NEK2: variants seen among roughly 807,000 people sequenced by gnomAD.
The protein encoded by NEK2 is serine/threonine-protein kinase Nek2.
NEK2 carries 28 observed loss-of-function variants against 54.1 expected under a neutral mutation model. The observed-to-expected ratio is 0.52, with a 90% CI of 0.38 to 0.71. The LOEUF is 0.71. Ranked by LOEUF, NEK2 falls within the 30% of genes least tolerant of loss-of-function variation. The pLI is 0.00. For synonymous variants in NEK2, 176 were observed against 193.1 expected (o/e 0.91, Z 0.73); for missense variants, 407 against 531.5 (o/e 0.77, Z 2.30).
chr1:211,668,160 T>C (rs1364443252), intron 6 of NEK2, among the ~76,000 whole-genome samples: 1 of 152,206 alleles, frequency 6.6e-6, no homozygotes, highest in Non-Finnish European at 1.5e-5. Flanking sequence ...ACAGTAAGCA[T>C]ATCTCACAGG....
chr1:211,662,384 G>A (rs1049675990), downstream of NEK2, among the ~76,000 whole-genome samples: 7 of 152,104 alleles, frequency 4.6e-5, no homozygotes, highest in Middle Eastern at 3.2e-3. The surrounding 1 kb of genome is among the most constrained non-coding windows in gnomAD (Gnocchi z 4.2). Context: ...CAGGATTTTC[G>A]CATTTGAGAT....
At chr1:211,674,261 A>G in intron 2 of NEK2, 35 bp downstream of exon 2, 2 of 1,541,598 alleles carry the variant, frequency 1.3e-6, no homozygotes, top group Non-Finnish European at 1.8e-6. Context: ...AAACTAGACC[A>G]ATTTCAGCTT....
In NEK2 at chr1:211,668,425, T is replaced by C. The variant is rs2102442658; in HGVS notation, c.985+688A>G. On this transcript the variant is annotated intron_variant, in intron 6 of 7. Coordinates refer to ENST00000366999, the MANE Select transcript of NEK2 (RefSeq NM_002497.4). ...TAATCAGTTAATACTCATAAGTCAA[T>C]GTTAATACCCACCAGAGTATTATTT... is the stretch of plus-strand genomic sequence containing the variant. 2.0e-5 allele frequency among the ~76,000 whole-genome samples: 3 copies of C among 152,308 alleles called. No individual in the cohort carries two copies. In the South Asian group the frequency reaches 6.2e-4, roughly 32 times the overall value.
intron 7 of NEK2, among the ~76,000 whole-genome samples, chr1:211,665,428 A>G (rs1247765040): frequency 6.6e-6 from 1 of 152,208 alleles, no homozygotes; most frequent in Non-Finnish European, 1.5e-5. Flanking sequence ...CATCATCCTT[A>G]CTTAGCTATT....
downstream of NEK2, chr1:211,660,880 C>A: frequency 1.4e-6 from 1 of 726,032 alleles, no homozygotes; most frequent in Non-Finnish European, 2.6e-6. Flanking sequence ...AGCATCCAAA[C>A]CCACGCCCAG....
downstream of NEK2, among the ~76,000 whole-genome samples, chr1:211,661,527 G>C (rs1207876456): frequency 1.3e-5 from 2 of 152,300 alleles, no homozygotes; most frequent in East Asian, 3.9e-4. Flanking sequence ...TCAAATAATT[G>C]TTTAAATGAC....
At chr1:211,664,655 T>C (rs1178049444) in intron 7 of NEK2, among the ~76,000 whole-genome samples, 1 of 152,218 alleles carries the variant, frequency 6.6e-6, no homozygotes, top group African/African-American at 2.4e-5. Flanking sequence ...ACAGATGCAC[T>C]GCCTTCCAAG....
chr1:211,675,436 C>T lies in NEK2; in HGVS notation c.44G>A (p.Gly15Asp). The change falls in exon 1 of 8, where the codon GGC becomes GAC. Residue 15 changes from glycine to aspartate, a missense_variant. Gly to Asp is a moderately conservative substitution (Grantham distance 94). Transcript: ENST00000366999. ...AEDYEVLYTI[G>D]TGSYGRCQKI... Reference sequence around the variant, plus strand: ...CTGGCAGCGGCCGTAGGAGCCTGTGCCAATGGTGTACAACACTTCATAGTC... The same window carrying T: ...CTGGCAGCGGCCGTAGGAGCCTGTGTCAATGGTGTACAACACTTCATAGTC... The T allele has an allele frequency of 6.2e-7, 1 of 1,613,916 alleles. No homozygotes were observed. Among genetic ancestry groups the T allele is most frequent in the Non-Finnish European group, 8.5e-7 (1 of 1,179,824 alleles).
In NEK2 at chr1:211,663,556, T is replaced by C; in HGVS notation, c.1208A>G (p.Gln403Arg). ...CTTGCACTTGGACTTAGATGTGAGC[T>C]GACTCTCAGAATTCTCACTCCTCAT... ...NIMRSENSES[Q>R]LTSKSKCKDL... is the part of the protein sequence containing the mutation. Residue 403 changes from glutamine (Q) to arginine (R), a missense_variant, in exon 8 of 8, where the codon CAG (glutamine) becomes CGG (arginine). By Grantham distance (43) the Gln-to-Arg change is conservative (BLOSUM62 1). Coordinates refer to ENST00000366999, the MANE Select transcript of NEK2 (RefSeq NM_002497.4). 6.2e-7 allele frequency: 1 copy of C among 1,613,974 alleles called. No individual in the cohort carries two copies. The highest frequency in any genetic ancestry group is 1.3e-5 in the African/African-American group (1 of 75,060).
In NEK2 at chr1:211,670,299, C is replaced by G. The variant is rs1258553814; in HGVS notation, c.747G>C (p.Thr249=). ...RYSDELNEII[T]RMLNLKDYHR... ...TCTTTACCTTTAAGTTTAACATCCT[C>G]GTAATAATTTCATTCAATTCATCAG... Residue 249 remains threonine (T), a synonymous_variant, in exon 5 of 8, where the codon ACG becomes ACC. Coordinates refer to ENST00000366999, the MANE Select transcript of NEK2 (RefSeq NM_002497.4). 6.2e-7 allele frequency: 1 copy of G among 1,609,780 alleles called. No individual in the cohort carries two copies. The highest frequency in any genetic ancestry group is 2.2e-5 in the East Asian group (1 of 44,846).
At chr1:211,661,727 A>G (rs1221143493), downstream of NEK2, among the ~76,000 whole-genome samples, 4 of 152,236 alleles carry the variant, frequency 2.6e-5, no homozygotes, top group Non-Finnish European at 4.4e-5. Context: ...AACCAAGAAC[A>G]GTTTGGTTAA....
chr1:211,675,418 C>T lies in NEK2; in HGVS notation c.62G>A (p.Arg21His). ...LYTIGTGSYG[R>H]CQKIRRKSDG... Reference sequence around the variant, plus strand: ...ACTCTTCCTCCGGATCTTCTGGCAGCGGCCGTAGGAGCCTGTGCCAATGGT... The same window carrying T: ...ACTCTTCCTCCGGATCTTCTGGCAGTGGCCGTAGGAGCCTGTGCCAATGGT... The change falls in exon 1 of 8, where the codon CGC becomes CAC. Residue 21 changes from arginine (R) to histidine (H), a missense_variant. Arg to His is a conservative substitution (Grantham distance 29). Transcript: ENST00000366999. 6.2e-7 allele frequency: 1 copy of T among 1,613,884 alleles called. No homozygotes were observed. The highest frequency in any genetic ancestry group is 8.5e-7 in the Non-Finnish European group (1 of 1,179,770).
chr1:211,670,078 T>G (rs1655322370), intron 5 of NEK2, among the ~76,000 whole-genome samples: 5 of 152,094 alleles, frequency 3.3e-5, no homozygotes. Context: ...GGAGGAGAAA[T>G]AAAGAAAGCG....
At chr1:211,664,979 G>A (rs113012537) in intron 7 of NEK2, among the ~76,000 whole-genome samples, 3,501 of 152,238 alleles carry the variant, frequency 0.023, 123 homozygotes, top group African/African-American at 0.077. Flanking sequence ...TGGGACTATA[G>A]GTGCGTCACC....
Position 211,674,298 on chromosome 1 carries a change from T to G in NEK2, c.312A>C (p.Glu104Asp). ...LASVITKGTK[E>D]RQYLDEEFVL... ...CATTTTTAAAAGATTATGCTTACCT[T>G]TCCTTGGTTCCCTTTGTAATTACAC... Residue 104 changes from glutamate (E) to aspartate (D), a missense_variant and splice_region_variant, in exon 2 of 8, where the codon GAA becomes GAC. Physicochemically the swap from Glu to Asp is conservative, Grantham distance 45 (BLOSUM62 2). Transcript: ENST00000366999. 1 of 1,606,430 alleles carries G rather than the reference T, an allele frequency of 6.2e-7. No homozygotes were observed. Among genetic ancestry groups the G allele is most frequent in the Non-Finnish European group, 8.5e-7 (1 of 1,175,226 alleles).
rs200747370 is a variant in NEK2, at chr1:211,663,516, C to A, written c.1248G>T (p.Arg416Ser). 6.2e-7 allele frequency: 1 copy of A among 1,613,974 alleles called. No individual in the cohort carries two copies. Among genetic ancestry groups the A allele is most frequent in the Non-Finnish European group, 8.5e-7 (1 of 1,179,866 alleles). ...SKSKCKDLKKRLHAAQLRAQA... is the reference protein window; with the variant it reads ...SKSKCKDLKKSLHAAQLRAQA... Reference sequence around the variant, plus strand: ...GAGCCCGCAGCTGGGCAGCGTGAAGCCTTTTCTTCAGGTCCTTGCACTTGG... The same window carrying A: ...GAGCCCGCAGCTGGGCAGCGTGAAGACTTTTCTTCAGGTCCTTGCACTTGG... Residue 416 changes from arginine (R) to serine (S), a missense_variant, in exon 8 of 8, where the codon AGG becomes AGT. Coordinates refer to ENST00000366999, the MANE Select transcript of NEK2 (RefSeq NM_002497.4).
At chr1:211,661,994 TG>T (rs886677105), downstream of NEK2, among the ~76,000 whole-genome samples, 1 of 152,186 alleles carries the variant, frequency 6.6e-6, no homozygotes, top group Admixed American at 6.5e-5. Flanking sequence ...CCTAGTCTAC[TG>T]AGACTCACAT....
At chr1:211,660,827 G>T, downstream of NEK2, 1 of 706,764 alleles carries the variant, frequency 1.4e-6, no homozygotes. Context: ...CAGAGCTTCA[G>T]CAGGCAGTAG....
downstream of NEK2, among the ~76,000 whole-genome samples, chr1:211,659,259 G>C (rs1654958481): frequency 6.6e-6 from 1 of 151,988 alleles, no homozygotes; most frequent in Non-Finnish European, 1.5e-5. Flanking sequence ...ACAAAAAAGT[G>C]TATTACAGGA....
Sources: gnomAD v4.1 joint callset for allele counts (sites outside exome capture counted in the v4.1 genomes callset) on GRCh38, gnomAD v4.1.1 for gene constraint, Gnocchi (gnomAD v3.1) non-coding constraint, MANE v1.5 for transcripts, NCBI Gene and HGNC (gene_info 2026-07-23, HGNC 2026-07-21) for gene names.